The following FMO5 variants were observed in gnomAD, a reference collection of about 807,000 sequenced individuals.
FMO5 encodes the protein flavin containing dimethylaniline monoxygenase 5, also known as flavin-containing monooxygenase 5.
Under a neutral mutation model 43.6 loss-of-function variants are expected in FMO5, and 51 were observed. That is an observed-to-expected ratio of 1.17 (90% CI 0.93 to 1.48). The LOEUF (loss-of-function observed/expected upper bound fraction) is 1.48. FMO5 is among the 40% of genes most tolerant of loss of function. The probability of loss-of-function intolerance (pLI) is 0.00; values close to 1 mark genes in which losing one functional copy is unlikely to be tolerated. For missense variants in FMO5, 644 were observed against 643.0 expected, an observed-to-expected ratio of 1.00 and a Z score of -0.02; for synonymous variants, 187 against 216.5, an observed-to-expected ratio of 0.86 and a Z score of 1.20.
At chr1:147,194,809 T>A (rs1457768481) in intron 7 of FMO5, among the ~76,000 whole-genome samples, 1 of 152,052 alleles carries the variant, frequency 6.6e-6, no homozygotes, top group African/African-American at 2.4e-5. Flanking sequence ...TGAAAATTCT[T>A]TTCTTTAAGA....
chr1:147,226,192 G>C (rs1021099344), upstream of FMO5, among the ~76,000 whole-genome samples: 10 of 151,396 alleles, frequency 6.6e-5, no homozygotes, highest in African/African-American at 2.2e-4. Flanking sequence ...AGCAGTAGTA[G>C]CAGTGGTCTC....
intron 7 of FMO5, 91 bp from the exon 8 acceptor site, chr1:147,190,340 G>T: frequency 1.3e-6 from 1 of 797,120 alleles, no homozygotes; most frequent in Non-Finnish European, 2.0e-6. Flanking sequence ...AGAATTCAAA[G>T]AAATACAGGG....
downstream of FMO5, among the ~76,000 whole-genome samples, chr1:147,185,319 A>G (rs1015528505): frequency 6.6e-6 from 1 of 151,938 alleles, no homozygotes; most frequent in East Asian, 1.9e-4. Context: ...TAATTCAACA[A>G]ATTTACATGC....
chr1:147,198,380 A>C lies in FMO5; in HGVS notation c.1183+2772T>G, dbSNP rs1479025560. Among the ~76,000 whole-genome samples, 18 of 152,194 alleles carry C rather than the reference A, an allele frequency of 1.2e-4. 1 individual carries two copies. The highest frequency in any genetic ancestry group is 3.4e-4 in the African/African-American group (14 of 41,420). On this transcript the variant is annotated intron_variant, in intron 7 of 8. Coordinates refer to ENST00000254090, the MANE Select transcript of FMO5 (RefSeq NM_001461.4). ...TATCACTATATTACAAAGGGAGGGA[A>C]GAAATATGCATAGACTTTTCCTATA...
Position 147,187,026 on chromosome 1 carries a change from A to G in FMO5, c.1476T>C (p.Asp492=). The part of the protein sequence containing the change: ...DGARKAILTT[D]DRIRKPLMTR... The stretch of plus-strand genomic sequence containing the variant: ...TCATCAGAGGCTTCCTGATGCGATC[A>G]TCTGTGGTGAGGATAGCTTTTCGAG... The change falls in exon 9 of 9, where the codon GAT becomes GAC. Residue 492 remains aspartate (D), a synonymous_variant. Coordinates refer to ENST00000254090, the MANE Select transcript of FMO5 (RefSeq NM_001461.4). 6.2e-7 allele frequency: 1 copy of G among 1,614,130 alleles called. No homozygotes were observed. The highest frequency in any genetic ancestry group is 1.1e-5 in the South Asian group (1 of 91,074).
downstream of FMO5, chr1:147,184,443 C>CT: frequency 3.6e-6 from 5 of 1,386,232 alleles, no homozygotes; most frequent in Non-Finnish European, 2.8e-6. This position sits in a 1 kb window ranked among gnomAD's most constrained non-coding sequence, Gnocchi z 4.4. Context: ...ACTTAAAGTT[C>CT]TTTTTCTGTT....
chr1:147,194,970 C>A (rs1413343509), intron 7 of FMO5, among the ~76,000 whole-genome samples: 6 of 151,826 alleles, frequency 4.0e-5, no homozygotes, highest in Non-Finnish European at 5.9e-5. Flanking sequence ...TTTGGTGAAT[C>A]TGACAATTAT....
intron 5 of FMO5, chr1:147,210,262 T>C (rs1175499789): frequency 2.0e-5 from 3 of 152,212 alleles, no homozygotes; most frequent in African/African-American, 4.8e-5. Context: ...AAAATAAGAT[T>C]GCTAGTGGAA....
intron 2 of FMO5, among the ~76,000 whole-genome samples, chr1:147,217,771 A>T (rs191245042): frequency 7.2e-5 from 11 of 152,306 alleles, no homozygotes; most frequent in African/African-American, 2.6e-4. Context: ...CCCTAATTAA[A>T]ATTTTAGATG....
intron 6 of FMO5, among the ~76,000 whole-genome samples, chr1:147,207,301 G>A (rs1660270598): frequency 6.6e-6 from 1 of 152,182 alleles, no homozygotes; most frequent in Non-Finnish European, 1.5e-5. Flanking sequence ...AGCAAATATA[G>A]CAAACTTAAC....
chr1:147,190,916 G>A lies in FMO5; in HGVS notation c.1184-667C>T, dbSNP rs1229554859. Reference sequence around the variant, plus strand: ...TTCTGATTGTTCAATTCCCACCTATGAGTGAGAACATGCGGTGTTTGGTTT... The same window carrying A: ...TTCTGATTGTTCAATTCCCACCTATAAGTGAGAACATGCGGTGTTTGGTTT... On this transcript the variant is annotated intron_variant, in intron 7 of 8. Coordinates refer to ENST00000254090, the MANE Select transcript of FMO5 (RefSeq NM_001461.4). Among the ~76,000 whole-genome samples the A allele has an allele frequency of 5.3e-5, 8 of 151,980 alleles. No individual in the cohort carries two copies. In the East Asian group the frequency reaches 1.4e-3, roughly 26 times the overall value.
At chr1:147,195,772 G>T (rs1657888145) in intron 7 of FMO5, among the ~76,000 whole-genome samples, 1 of 152,100 alleles carries the variant, frequency 6.6e-6, no homozygotes, top group African/African-American at 2.4e-5. Context: ...GTGGAATATG[G>T]AATTTCAGAA....
downstream of FMO5, among the ~76,000 whole-genome samples, chr1:147,185,437 A>G (rs782289864): frequency 6.6e-6 from 1 of 152,290 alleles, no homozygotes; most frequent in African/African-American, 2.4e-5. Context: ...ATAGATGATA[A>G]ATCTCCAGTA....
intron 8 of FMO5, among the ~76,000 whole-genome samples, chr1:147,187,732 G>T (rs1359336876): frequency 6.6e-6 from 1 of 152,148 alleles, no homozygotes; most frequent in East Asian, 1.9e-4. Context: ...AAAGGATGAG[G>T]GAGAATGATT....
chr1:147,193,374 C>T (rs114731848), intron 7 of FMO5, among the ~76,000 whole-genome samples: 5,601 of 151,798 alleles, frequency 0.037, 151 homozygotes, highest in South Asian at 0.096. Flanking sequence ...ATCATTTTTA[C>T]TGCATCTATT....
downstream of FMO5, chr1:147,184,475 T>A: frequency 6.7e-6 from 10 of 1,499,084 alleles, no homozygotes; most frequent in Admixed American, 2.5e-4. This position sits in a 1 kb window ranked among gnomAD's most constrained non-coding sequence, Gnocchi z 4.4. Context: ...TCCAGGATAC[T>A]ACATTACATT....
At chr1:147,203,109 G>GTT (rs1418673306) in intron 6 of FMO5, among the ~76,000 whole-genome samples, 7 of 41,476 alleles carry the variant, frequency 1.7e-4, no homozygotes, top group Non-Finnish European at 2.4e-4. Flanking sequence ...TAGACCAAAG[G>GTT]TTTCCTTTTT....
chr1:147,194,679 A>C (rs1408338772), intron 7 of FMO5, among the ~76,000 whole-genome samples: 1 of 152,080 alleles, frequency 6.6e-6, no homozygotes, highest in East Asian at 1.9e-4. Flanking sequence ...TGCTTCCTTC[A>C]GGAGCTCTTT....
At chr1:147,220,888 C>T (rs1387083952) in intron 2 of FMO5, among the ~76,000 whole-genome samples, 4 of 141,680 alleles carry the variant, frequency 2.8e-5, no homozygotes, top group African/African-American at 1.1e-4. Context: ...TATATTGTGG[C>T]ATATATTGAA....
Sources: gnomAD v4.1 joint callset for allele counts (sites outside exome capture counted in the v4.1 genomes callset) on GRCh38, gnomAD v4.1.1 for gene constraint, Gnocchi (gnomAD v3.1) non-coding constraint, MANE v1.5 for transcripts, NCBI Gene and HGNC (gene_info 2026-07-23, HGNC 2026-07-21) for gene names.